The following CYFIP2 variants were observed in gnomAD, a reference collection of about 807,000 sequenced individuals.
CYFIP2 encodes the protein cytoplasmic FMR1 interacting protein 2.
In CYFIP2, 29 loss-of-function variants were observed where a neutral mutation model predicts 158.7. The ratio of observed to expected loss-of-function variants is 0.18; its 90% CI spans 0.14 to 0.25. The LOEUF is 0.25. Ranked by LOEUF, CYFIP2 falls within the 10% of genes least tolerant of loss-of-function variation. The pLI, the probability that CYFIP2 is intolerant of heterozygous loss-of-function variation, is 1.00. For missense variants in CYFIP2, 852 were observed against 1,639.5 expected (o/e 0.52, Z 8.29); for synonymous variants, 585 against 617.6 (o/e 0.95, Z 0.78).
chr5:157,274,750 A>AGGG lies in CYFIP2; in HGVS notation c.-24+8555_-24+8556insGGG, dbSNP rs1277098339. 7.1e-4 allele frequency among the ~76,000 whole-genome samples: 108 copies of AGGG among 152,254 alleles called. 1 individual carries two copies. The highest frequency in any genetic ancestry group is 3.5e-3 in the Admixed American group (53 of 15,296). ...ACACTTGTTATTGTCTGTCCTTTTCATTATAGCCATCCTAGTGGGTGTGAA... is the reference window on the plus strand; with the variant it reads ...ACACTTGTTATTGTCTGTCCTTTTCAGGGTTATAGCCATCCTAGTGGGTGTGAA... On this transcript the variant is annotated intron_variant, in intron 1 of 30. Coordinates refer to ENST00000620254, the MANE Select transcript of CYFIP2 (RefSeq NM_001037333.3).
rs1184215392 is a variant in CYFIP2, at chr5:157,361,942, CTT to C, written c.3039+345_3039+346del. ...AGCAAGGAGAACTGAGCAGTTCTCT[CTT>C]AACACCCCACCTCTCCAATGGCTTG... On this transcript the variant is annotated intron_variant, in intron 26 of 30. Transcript: ENST00000620254. This position sits in a 1 kb window ranked among gnomAD's most constrained non-coding sequence, Gnocchi z 4.4. Among the ~76,000 whole-genome samples, 5 of 152,096 alleles carry C rather than the reference CTT, an allele frequency of 3.3e-5. No homozygotes were observed. The highest frequency in any genetic ancestry group is 7.3e-5 in the Non-Finnish European group (5 of 68,040).
intron 20 of CYFIP2, among the ~76,000 whole-genome samples, chr5:157,331,190 A>G (rs1020804801): frequency 3.9e-5 from 6 of 151,998 alleles, no homozygotes; most frequent in Non-Finnish European, 2.9e-5. Context: ...AACAGGGCCC[A>G]AGTGCCGGTC....
In CYFIP2 at chr5:157,394,352, G is replaced by A. The variant is rs536531952; in HGVS notation, c.*1352G>A. The stretch of plus-strand genomic sequence containing the variant: ...CTGAGATTTTAAGAACATAAAATGT[G>A]ACATTTGATATTTCTCCAGCCCAGG... On this transcript the variant is annotated 3_prime_UTR_variant, in exon 31 of 31. Transcript: ENST00000620254. 4.6e-5 allele frequency: 7 copies of A among 152,310 alleles called. No individual in the cohort carries two copies. Among genetic ancestry groups the A allele is most frequent in the African/African-American group, 1.7e-4 (7 of 41,560 alleles). The allele number at this position is 152,310 out of a possible 1,614,324, so 9.4% of individuals were successfully genotyped here. A position where few individuals can be genotyped will look rare whatever the true frequency, so the allele number is the denominator to read the frequency against.
At chr5:157,391,230 AG>A (rs1735485369) in intron 30 of CYFIP2, among the ~76,000 whole-genome samples, 2 of 152,180 alleles carry the variant, frequency 1.3e-5, no homozygotes, top group Admixed American at 1.3e-4. Context: ...GGCGGATCGA[AG>A]GGTGGGTCTC....
chr5:157,302,962 G>A (rs1758904086), intron 7 of CYFIP2, 72 bp downstream of exon 7: 5 of 1,215,208 alleles, frequency 4.1e-6, no homozygotes, highest in African/African-American at 1.5e-5. Flanking sequence ...AGGTTGGGTG[G>A]ACCACGAGCC....
chr5:157,367,856 G>A (rs1459361465), intron 26 of CYFIP2, among the ~76,000 whole-genome samples: 7 of 148,680 alleles, frequency 4.7e-5, no homozygotes, highest in African/African-American at 1.5e-4. Context: ...CCAGGTTCAA[G>A]CAATTCTCCT....
At chr5:157,392,296 T>C (rs1364056520) in intron 30 of CYFIP2, among the ~76,000 whole-genome samples, 1 of 152,250 alleles carries the variant, frequency 6.6e-6, no homozygotes, top group Non-Finnish European at 1.5e-5. Context: ...CAAGATATTA[T>C]TGCCAAATCC....
At chr5:157,305,223 G>C (rs1300335579) in intron 8 of CYFIP2, among the ~76,000 whole-genome samples, 1 of 152,204 alleles carries the variant, frequency 6.6e-6, no homozygotes, top group Non-Finnish European at 1.5e-5. Context: ...ATGTGTGCAA[G>C]TGTCTTTTTC....
Position 157,302,810 on chromosome 5 carries a change from C to T in CYFIP2, c.586C>T (p.Arg196Trp), listed in dbSNP as rs1256720359. 2 of 1,581,266 alleles carry T rather than the reference C, an allele frequency of 1.3e-6. No individual in the cohort carries two copies. Among genetic ancestry groups the T allele is most frequent in the Non-Finnish European group, 8.6e-7 (1 of 1,163,178 alleles). Reference protein sequence around the residue: ...SAYKRAAQFLRKMADPQSIQE... With the variant: ...SAYKRAAQFLWKMADPQSIQE... ...GCGTTTCAGGGCAGCACAGTTCCTGCGGAAGATGGCAGATCCCCAGTCTAT... is the reference window on the plus strand; with the variant it reads ...GCGTTTCAGGGCAGCACAGTTCCTGTGGAAGATGGCAGATCCCCAGTCTAT... Residue 196 changes from arginine to tryptophan, a missense_variant, in exon 7 of 31, where the codon CGG becomes TGG. This residue lies in a region of CYFIP2 where 123 missense variants were observed against 316.7 expected (regional missense o/e 0.39). Coordinates refer to ENST00000620254, the MANE Select transcript of CYFIP2 (RefSeq NM_001037333.3).
chr5:157,393,224 A>AT lies in CYFIP2; in HGVS notation c.*224_*225insT. On this transcript the variant is annotated 3_prime_UTR_variant, in exon 31 of 31. Transcript: ENST00000620254. Reference sequence around the variant, plus strand: ...GCATAAATGAAAAAAAAAAAAAAAAAGTAAACAGGGCAGTGTGTGCTTTTT... The same window carrying AT: ...GCATAAATGAAAAAAAAAAAAAAAAATGTAAACAGGGCAGTGTGTGCTTTTT... 1 of 409,774 alleles carries AT rather than the reference A, an allele frequency of 2.4e-6. No individual in the cohort carries two copies. The highest frequency in any genetic ancestry group is 4.3e-6 in the Non-Finnish European group (1 of 233,792). The allele number at this position is 409,774 out of a possible 1,614,324, so 25.4% of individuals were successfully genotyped here.
At chr5:157,322,102 A>G (rs941181413) in intron 15 of CYFIP2, among the ~76,000 whole-genome samples, 9 of 152,094 alleles carry the variant, frequency 5.9e-5, no homozygotes, top group Admixed American at 4.6e-4. Context: ...CTCACCCCCA[A>G]CCTCTACCAG....
intron 5 of CYFIP2, 110 bp downstream of exon 5, chr5:157,296,884 T>G (rs1758295232): frequency 3.6e-6 from 3 of 835,874 alleles, no homozygotes; most frequent in Admixed American, 2.7e-5. Context: ...AAGCAAATAT[T>G]TTTTGACTGT....
At chr5:157,365,836 ATTT>A (rs965219357) in intron 26 of CYFIP2, among the ~76,000 whole-genome samples, 3 of 108,566 alleles carry the variant, frequency 2.8e-5, no homozygotes, top group Non-Finnish European at 6.1e-5. Context: ...TAGATGATCC[ATTT>A]TTTATTACCG....
Position 157,393,073 on chromosome 5 carries a change from A to C in CYFIP2, c.*73A>C. The stretch of plus-strand genomic sequence containing the variant: ...GAGAGAAAGCCACAGCCAGCCTGCC[A>C]TAGGATCCAACTGGACAACGTGTGG... On this transcript the variant is annotated 3_prime_UTR_variant, in exon 31 of 31. Coordinates refer to ENST00000620254, the MANE Select transcript of CYFIP2 (RefSeq NM_001037333.3). 6.4e-7 allele frequency: 1 copy of C among 1,558,792 alleles called. No individual in the cohort carries two copies. The highest frequency in any genetic ancestry group is 8.7e-7 in the Non-Finnish European group (1 of 1,149,462).
chr5:157,292,939 A>C (rs891594893), intron 3 of CYFIP2, among the ~76,000 whole-genome samples: 23 of 152,148 alleles, frequency 1.5e-4, no homozygotes, highest in African/African-American at 5.3e-4. Context: ...GACTAAGTGG[A>C]GAATTTTAGG....
At chr5:157,386,591 C>CA (rs1766716001) in intron 28 of CYFIP2, among the ~76,000 whole-genome samples, 1 of 152,158 alleles carries the variant, frequency 6.6e-6, no homozygotes, top group Admixed American at 6.5e-5. Flanking sequence ...TTCATCCTAA[C>CA]AAAATGCTCA....
chr5:157,312,397 A>G (rs770005644), intron 11 of CYFIP2, among the ~76,000 whole-genome samples: 46 of 151,998 alleles, frequency 3.0e-4, no homozygotes, highest in Admixed American at 6.6e-4. Flanking sequence ...GCGAAAGGAG[A>G]GAAAATCACA....
intron 26 of CYFIP2, among the ~76,000 whole-genome samples, chr5:157,368,480 T>C (rs978425570): frequency 1.3e-5 from 2 of 152,158 alleles, no homozygotes; most frequent in Non-Finnish European, 2.9e-5. Flanking sequence ...GTCCTGTCCC[T>C]TTGCCCAGGC....
At chr5:157,278,278 A>T (rs1449382607) in intron 1 of CYFIP2, among the ~76,000 whole-genome samples, 1 of 152,212 alleles carries the variant, frequency 6.6e-6, no homozygotes, top group Non-Finnish European at 1.5e-5. Flanking sequence ...GGAGCGCCAT[A>T]CGGACATGGA....
Sources: gnomAD v4.1 joint callset for allele counts (sites outside exome capture counted in the v4.1 genomes callset) on GRCh38, gnomAD v4.1.1 for gene constraint, gnomAD v4.1.1 regional missense constraint, Gnocchi (gnomAD v3.1) non-coding constraint, MANE v1.5 for transcripts, NCBI Gene and HGNC (gene_info 2026-07-23, HGNC 2026-07-21) for gene names.